Variants in MYH11 observed in about 807,000 individuals in gnomAD.
MYH11 encodes myosin heavy chain 11.
Under a neutral mutation model 246.6 loss-of-function variants are expected in MYH11, and 80 were observed. That is an observed-to-expected ratio of 0.32 (90% CI 0.27 to 0.39). MYH11 has a LOEUF of 0.39. Ranked by LOEUF, MYH11 falls within the 10% of genes least tolerant of loss-of-function variation. The pLI is 1.00. For missense variants in MYH11, 2,158 were observed against 2,546.8 expected (o/e 0.85, Z 3.29); for synonymous variants, 1,071 against 1,015.5 (o/e 1.05, Z -1.04).
chr16:15,749,600 C>G (rs2041510418), intron 16 of MYH11: 1 of 163,080 alleles, frequency 6.1e-6, no homozygotes, highest in Non-Finnish European at 1.3e-5. Context: ...CCCATAACCT[C>G]AGCACTACTG....
chr16:15,728,702 C>A (rs1373352579), intron 27 of MYH11, among the ~76,000 whole-genome samples: 2 of 152,068 alleles, frequency 1.3e-5, no homozygotes, highest in Admixed American at 6.6e-5. Flanking sequence ...GAGTTTGAGA[C>A]CAGCCTGGCC....
At chr16:15,707,251 GGT>G (rs1187609699) in intron 40 of MYH11, among the ~76,000 whole-genome samples, 7 of 152,264 alleles carry the variant, frequency 4.6e-5, no homozygotes, top group African/African-American at 1.7e-4. Context: ...TGGCCAGGCT[GGT>G]CCTGACCTCA....
chr16:15,839,719 A>G (rs2151383225), intron 1 of MYH11, among the ~76,000 whole-genome samples: 1 of 150,254 alleles, frequency 6.7e-6, no homozygotes, highest in African/African-American at 2.5e-5. Context: ...TAATGGCAAA[A>G]TAGAAAAGGC....
intron 1 of MYH11, among the ~76,000 whole-genome samples, chr16:15,851,539 A>C (rs1766297530): frequency 6.6e-6 from 1 of 152,062 alleles, no homozygotes. Context: ...GAGTAAATGG[A>C]CACCCGATTA....
At chr16:15,704,985 G>A (rs1487961112) in intron 40 of MYH11, among the ~76,000 whole-genome samples, 1 of 152,102 alleles carries the variant, frequency 6.6e-6, no homozygotes, top group Non-Finnish European at 1.5e-5. Flanking sequence ...GGCCTTCAAG[G>A]TGGATTTAAA....
chr16:15,736,764 T>G (rs1428083583), intron 25 of MYH11, among the ~76,000 whole-genome samples: 26 of 152,132 alleles, frequency 1.7e-4, no homozygotes, highest in Admixed American at 1.7e-3. Context: ...GCGTTACCCC[T>G]AGGAGGCTCA....
chr16:15,838,032 T>C lies in MYH11; in HGVS notation c.221A>G (p.Asp74Gly), dbSNP rs1454312109. 1 of 1,614,136 alleles carries C rather than the reference T, an allele frequency of 6.2e-7. No homozygotes were observed. The highest frequency in any genetic ancestry group is 1.7e-5 in the Admixed American group (1 of 60,008). ...GGGTGGGTTCATCTTCTGGATGTCA[T>C]CTTTCCCAACCGTGACCTTCTTGCC... Reference protein sequence around the residue: ...ENGKKVTVGKDDIQKMNPPKF... With the variant: ...ENGKKVTVGKGDIQKMNPPKF... The change falls in exon 2 of 41, where the codon GAT (aspartate) becomes GGT (glycine). Residue 74 changes from aspartate to glycine, a missense_variant. By Grantham distance (94) the Asp-to-Gly change is moderately conservative. This residue lies in a region of MYH11 where 96 missense variants were observed against 91.9 expected (regional missense o/e 1.04). Coordinates refer to ENST00000300036, the MANE Select transcript of MYH11 (RefSeq NM_002474.3).
At chr16:15,719,346 A>C in intron 35 of MYH11, 38 bp from the exon 36 acceptor site, 1 of 1,600,306 alleles carries the variant, frequency 6.2e-7, no homozygotes, top group Non-Finnish European at 8.5e-7. Flanking sequence ...CTGCCAGGGA[A>C]AGGCCAAGCC....
At chr16:15,819,015 GACTACAGACTC>G (rs2043335133) in intron 3 of MYH11, among the ~76,000 whole-genome samples, 1 of 152,138 alleles carries the variant, frequency 6.6e-6, no homozygotes, top group Non-Finnish European at 1.5e-5. Flanking sequence ...GAGTAGCTAG[GACTACAGACTC>G]ACGCACTGTG....
chr16:15,783,156 G>C (rs1046851643), intron 5 of MYH11: 1 of 152,564 alleles, frequency 6.6e-6, no homozygotes, highest in East Asian at 1.9e-4. Context: ...GCACAAACGC[G>C]GTCACGTGAT....
rs2041924465 is a variant in MYH11 at position 15,763,894 on chromosome 16, G to A, written c.1034-3C>T. On this transcript the variant is annotated splice_region_variant and splice_polypyrimidine_tract_variant and intron_variant, in intron 9 of 40. Coordinates refer to ENST00000300036, the MANE Select transcript of MYH11 (RefSeq NM_002474.3). The stretch of plus-strand genomic sequence containing the variant: ...CGATGATACCACCTTCAATATGGCT[G>A]AGGTGGGGAGAGAAGGGCAGAGCAG... 3 of 1,610,254 alleles carry A rather than the reference G, an allele frequency of 1.9e-6. No individual in the cohort carries two copies. The East Asian group carries it at 6.7e-5, about 36-fold the overall frequency.
At position 15,720,220 on chromosome 16, in the gene MYH11, G is replaced by A. The variant is rs780786328; in HGVS notation, c.4884C>T (p.Asp1628=). 35 of 1,614,000 alleles carry A rather than the reference G, an allele frequency of 2.2e-5. No individual in the cohort carries two copies. Among genetic ancestry groups the A allele is most frequent in the Non-Finnish European group, 2.6e-5 (31 of 1,180,042 alleles). ...TGGCAGAGTCGGCCTGAAGCTCCAG[G>A]TCTTTCAGGTCCCCTTCCAGCTTCT... ...AKKKLEGDLK[D]LELQADSAIK... is the part of the protein sequence containing the mutation. Residue 1628 remains aspartate (D), a synonymous_variant, in exon 34 of 41, where the codon GAC becomes GAT. Coordinates refer to ENST00000300036, the MANE Select transcript of MYH11 (RefSeq NM_002474.3).
chr16:15,767,489 T>A (rs1042614981), intron 9 of MYH11, among the ~76,000 whole-genome samples: 1 of 152,100 alleles, frequency 6.6e-6, no homozygotes, highest in Non-Finnish European at 1.5e-5. Context: ...ACATTTATTT[T>A]TTTTTCCTTT....
At chr16:15,793,945 C>CTT (rs61625627) in intron 4 of MYH11, among the ~76,000 whole-genome samples, 7,047 of 70,180 alleles carry the variant, frequency 0.1, 828 homozygotes, top group Non-Finnish European at 0.13. Flanking sequence ...CTTTTCTTTT[C>CTT]TTTTTTTTTT....
chr16:15,725,688 A>G, intron 28 of MYH11: 1 of 398,904 alleles, frequency 2.5e-6, no homozygotes, highest in Non-Finnish European at 4.4e-6. Context: ...CATCTCACTT[A>G]ATTCTTCCCT....
intron 38 of MYH11, 57 bp downstream of exon 38, chr16:15,717,083 A>G: frequency 1.3e-6 from 2 of 1,571,352 alleles, no homozygotes; most frequent in Non-Finnish European, 8.8e-7. Context: ...CTTCACTATG[A>G]CTCCTGCTGT....
intron 28 of MYH11, chr16:15,725,335 G>A: frequency 3.6e-6 from 2 of 560,754 alleles, no homozygotes; most frequent in Non-Finnish European, 6.3e-6. Context: ...CAAAGCAGCA[G>A]GTCTGAGAGT....
chr16:15,824,448 T>C (rs775325589), intron 2 of MYH11, among the ~76,000 whole-genome samples: 1 of 151,996 alleles, frequency 6.6e-6, no homozygotes, highest in Non-Finnish European at 1.5e-5. Flanking sequence ...CAGGTAATTT[T>C]TATTTTGTTT....
chr16:15,817,214 G>A (rs1455229366), intron 3 of MYH11, among the ~76,000 whole-genome samples: 1 of 152,144 alleles, frequency 6.6e-6, no homozygotes, highest in Non-Finnish European at 1.5e-5. Context: ...AACCACGGCC[G>A]GGCGCAGTGG....
Sources: allele counts gnomAD v4.1 joint callset (sites outside exome capture counted in the v4.1 genomes callset), GRCh38; gene constraint gnomAD v4.1.1; regional missense constraint gnomAD v4.1.1; transcripts MANE v1.5; gene names NCBI Gene and HGNC (gene_info 2026-07-23, HGNC 2026-07-21).